The following DAB1 variants were observed in gnomAD, a reference collection of about 807,000 sequenced individuals.
The protein encoded by DAB1 is DAB adaptor protein 1, also known as disabled homolog 1.
Under a neutral mutation model 64.6 loss-of-function variants are expected in DAB1, and 15 were observed. The observed-to-expected ratio is 0.23, with a 90% CI of 0.16 to 0.36. The LOEUF is 0.36. DAB1 is among the 10% of genes least tolerant of loss of function. The probability of loss-of-function intolerance (pLI) is 1.00; values close to 1 mark genes in which losing one functional copy is unlikely to be tolerated. For synonymous variants in DAB1, 235 were observed against 251.9 expected (o/e 0.93, Z 0.64); for missense variants, 596 against 706.7 (o/e 0.84, Z 1.78).
intron 4 of DAB1, among the ~76,000 whole-genome samples, chr1:58,150,927 G>A (rs550947842): frequency 4.3e-4 from 66 of 152,118 alleles, no homozygotes; most frequent in African/African-American, 1.5e-3. Flanking sequence ...CCACCTATGA[G>A]TGAGAACATG....
At chr1:57,817,117 G>GAATA (rs10639735) in intron 6 of DAB1, among the ~76,000 whole-genome samples, 58,835 of 151,846 alleles carry the variant, frequency 0.39, 11,545 homozygotes, top group Admixed American at 0.49. Flanking sequence ...AAGACTGAAT[G>GAATA]AAGAGAGGTG....
chr1:58,006,490 G>A (rs1349507829), intron 5 of DAB1, among the ~76,000 whole-genome samples: 1 of 152,146 alleles, frequency 6.6e-6, no homozygotes, highest in Non-Finnish European at 1.5e-5. Flanking sequence ...TCACAAAGAT[G>A]AATCACTGTA....
intron 7 of DAB1, among the ~76,000 whole-genome samples, chr1:57,617,951 T>C (rs1250121493): frequency 2.0e-5 from 3 of 152,266 alleles, no homozygotes; most frequent in Admixed American, 6.5e-5. Flanking sequence ...GAAAAGAACT[T>C]CCTGCTGCTT....
chr1:57,222,152 G>A (rs1041515666), intron 2 of DAB1, among the ~76,000 whole-genome samples: 14 of 152,018 alleles, frequency 9.2e-5, no homozygotes, highest in African/African-American at 3.1e-4. Context: ...AGGGTCGAGA[G>A]GTAAAGAAAC....
intron 5 of DAB1, among the ~76,000 whole-genome samples, chr1:57,980,346 A>C (rs1646034528): frequency 6.6e-6 from 1 of 152,016 alleles, no homozygotes; most frequent in Admixed American, 6.6e-5. Context: ...CCCAATATCT[A>C]AGGTCTAGGT....
chr1:58,392,548 T>C (rs1025071556), intron 3 of DAB1, among the ~76,000 whole-genome samples: 6 of 152,194 alleles, frequency 3.9e-5, no homozygotes, highest in African/African-American at 1.4e-4. Flanking sequence ...CTGGTTCTGT[T>C]CTATCTGTCC....
intron 5 of DAB1, among the ~76,000 whole-genome samples, chr1:58,052,349 G>A (rs565887606): frequency 6.6e-6 from 1 of 152,124 alleles, no homozygotes; most frequent in Non-Finnish European, 1.5e-5. Context: ...AAGATCAGAT[G>A]GTTGTAGATG....
At chr1:57,267,110 T>A (rs1287129057) in intron 2 of DAB1, among the ~76,000 whole-genome samples, 4 of 151,962 alleles carry the variant, frequency 2.6e-5, no homozygotes, top group Admixed American at 2.6e-4. Context: ...TCATCCTGGA[T>A]TATTCTGGTA....
At chr1:57,053,688 A>ATATATATATATAT (rs1447741565) in intron 9 of DAB1, among the ~76,000 whole-genome samples, 3 of 71,402 alleles carry the variant, frequency 4.2e-5, no homozygotes, top group East Asian at 7.2e-4. Flanking sequence ...ATATATATAT[A>ATATATATATATAT]TTTTTTTTTT....
Position 57,863,436 on chromosome 1 carries a change from C to T in DAB1, n.87+20563G>A, listed in dbSNP as rs1569872173. ...CAAACATATACAGTTTATTATACATCAAATACGCCAATAGAACTTAAAAGT... is the reference window on the plus strand; with the variant it reads ...CAAACATATACAGTTTATTATACATTAAATACGCCAATAGAACTTAAAAGT... On this transcript the variant is annotated intron_variant and non_coding_transcript_variant, in intron 1 of 1. Transcript: ENST00000477280. Among the ~76,000 whole-genome samples, 8 of 152,004 alleles carry T rather than the reference C, an allele frequency of 5.3e-5. 1 individual carries two copies. The South Asian group carries it at 1.7e-3, about 32-fold the overall frequency.
At chr1:57,025,438 G>A (rs957939866) in intron 10 of DAB1, among the ~76,000 whole-genome samples, 7 of 152,132 alleles carry the variant, frequency 4.6e-5, no homozygotes, top group African/African-American at 1.7e-4. Flanking sequence ...CTGAAGGGCA[G>A]GCTGGAAGGG....
chr1:57,882,792 G>A (rs1644164745), intron 1 of DAB1, among the ~76,000 whole-genome samples: 1 of 152,192 alleles, frequency 6.6e-6, no homozygotes, highest in South Asian at 2.1e-4. Flanking sequence ...ACCTAGGTGA[G>A]CTGGACATGG....
intron 2 of DAB1, among the ~76,000 whole-genome samples, chr1:57,227,659 C>T (rs930355870): frequency 6.6e-6 from 1 of 151,886 alleles, no homozygotes; most frequent in African/African-American, 2.4e-5. Context: ...CAGGCTCAAG[C>T]GAGCCTTCCA....
intron 5 of DAB1, among the ~76,000 whole-genome samples, chr1:57,936,118 C>T (rs1269073813): frequency 6.6e-6 from 1 of 152,222 alleles, no homozygotes; most frequent in Admixed American, 6.5e-5. Flanking sequence ...TAAAGCCTTA[C>T]AGGCGGGTTA....
chr1:58,253,827 C>T (rs1022372006), intron 4 of DAB1, among the ~76,000 whole-genome samples: 4 of 152,180 alleles, frequency 2.6e-5, no homozygotes, highest in Admixed American at 2.6e-4. Flanking sequence ...ACTGCACAAG[C>T]TCTGCAAATG....
At chr1:57,486,246 T>C (rs763017792) in intron 7 of DAB1, among the ~76,000 whole-genome samples, 4 of 152,242 alleles carry the variant, frequency 2.6e-5, no homozygotes, top group Non-Finnish European at 4.4e-5. Context: ...ATTGCCCAAA[T>C]TGAGGCTCAG....
chr1:57,701,204 G>A lies in DAB1; in HGVS notation n.552-51539C>T, dbSNP rs960007870. ...TTTGACCCAGCCATCCCATTACTGG[G>A]TATATACCCAAAGGATTATAAATCA... is the stretch of plus-strand genomic sequence containing the variant. On this transcript the variant is annotated intron_variant and non_coding_transcript_variant, in intron 6 of 20. Transcript: ENST00000485760. 5.3e-5 allele frequency among the ~76,000 whole-genome samples: 8 copies of A among 152,050 alleles called. No homozygotes were observed. In the South Asian group the frequency reaches 1.7e-3, roughly 32 times the overall value.
intron 1 of DAB1, among the ~76,000 whole-genome samples, chr1:57,365,168 A>G (rs904529613): frequency 1.4e-5 from 2 of 143,770 alleles, no homozygotes; most frequent in Non-Finnish European, 3.0e-5. Flanking sequence ...TACAGAAAAT[A>G]TATATCTTCT....
chr1:57,163,171 G>C (rs777373806), intron 2 of DAB1, among the ~76,000 whole-genome samples: 18 of 152,194 alleles, frequency 1.2e-4, no homozygotes, highest in Non-Finnish European at 2.1e-4. Context: ...TCTGAGAGGG[G>C]GAAGGAAGAT....
Sources: gnomAD v4.1 joint callset for allele counts (sites outside exome capture counted in the v4.1 genomes callset) on GRCh38, gnomAD v4.1.1 for gene constraint, MANE v1.5 for transcripts, NCBI Gene and HGNC (gene_info 2026-07-23, HGNC 2026-07-21) for gene names.